ZNF710: variants seen among roughly 807,000 people sequenced by gnomAD.
The protein encoded by ZNF710 is zinc finger protein 710.
ZNF710 carries 13 observed loss-of-function variants against 50.6 expected under a neutral mutation model. The ratio of observed to expected loss-of-function variants is 0.26; its 90% CI spans 0.17 to 0.41. The LOEUF is 0.41. Among genes scored for constraint, ZNF710 ranks in the 10% least tolerant of loss-of-function variants. The pLI, the probability that ZNF710 is intolerant of heterozygous loss-of-function variation, is 1.00. For synonymous variants in ZNF710, 383 were observed against 397.0 expected, an observed-to-expected ratio of 0.96 and a Z score of 0.42; for missense variants, 721 against 936.6, an observed-to-expected ratio of 0.77 and a Z score of 3.01.
At chr15:90,065,226 C>T (rs898853357) in intron 1 of ZNF710, among the ~76,000 whole-genome samples, 1 of 152,136 alleles carries the variant, frequency 6.6e-6, no homozygotes, top group East Asian at 1.9e-4. Context: ...CTCCGCTGGG[C>T]GCTGGGGGGA....
intron 1 of ZNF710, among the ~76,000 whole-genome samples, chr15:90,038,446 G>C (rs745478771): frequency 2.6e-5 from 4 of 152,172 alleles, no homozygotes; most frequent in Non-Finnish European, 5.9e-5. Flanking sequence ...TTGAAAGTGA[G>C]TTGCAGACAG....
chr15:90,005,108 G>A (rs956029961), intron 1 of ZNF710, among the ~76,000 whole-genome samples: 2 of 152,250 alleles, frequency 1.3e-5, no homozygotes, highest in African/African-American at 4.8e-5. Context: ...ATTTCCATCT[G>A]TGGGTTAAAT....
intron 1 of ZNF710, chr15:90,026,071 A>G (rs1183649335): frequency 6.6e-6 from 1 of 152,130 alleles, no homozygotes; most frequent in Non-Finnish European, 1.5e-5. Context: ...CCCCTAAGGA[A>G]AATGAGAGGG....
At chr15:90,056,798 G>C (rs1200089220) in intron 1 of ZNF710, among the ~76,000 whole-genome samples, 1 of 152,182 alleles carries the variant, frequency 6.6e-6, no homozygotes, top group Non-Finnish European at 1.5e-5. Context: ...AGCTCTGCAG[G>C]CAGCTCAGCA....
At position 90,067,751 on chromosome 15, in the gene ZNF710, C is replaced by A; in HGVS notation, c.614C>A (p.Ala205Glu). 1.9e-6 allele frequency: 3 copies of A among 1,594,274 alleles called. No individual in the cohort carries two copies. Among genetic ancestry groups the A allele is most frequent in the Non-Finnish European group, 2.6e-6 (3 of 1,171,256 alleles). ...ARDGFPEPSMALPGPEALPTE... is the reference protein window; with the variant it reads ...ARDGFPEPSMELPGPEALPTE... ...GATGGCTTCCCCGAGCCCAGCATGG[C>A]GCTGCCTGGGCCAGAGGCCTTGCCC... is the stretch of plus-strand genomic sequence containing the variant. Residue 205 changes from alanine to glutamate, a missense_variant, in exon 2 of 5, where the codon GCG (alanine) becomes GAG (glutamate). By Grantham distance (107) the Ala-to-Glu change is moderately radical. Transcript: ENST00000268154. This position sits in a 1 kb window ranked among gnomAD's most constrained non-coding sequence, Gnocchi z 8.1.
At chr15:90,044,930 T>C (rs1463163421) in intron 1 of ZNF710, among the ~76,000 whole-genome samples, 3 of 152,132 alleles carry the variant, frequency 2.0e-5, no homozygotes, top group Non-Finnish European at 4.4e-5. Flanking sequence ...TATACCTGTG[T>C]AGGCCAAACC....
At chr15:90,008,427 T>TATATATAC (rs1555454964) in intron 1 of ZNF710, among the ~76,000 whole-genome samples, 22 of 135,050 alleles carry the variant, frequency 1.6e-4, no homozygotes, top group African/African-American at 7.2e-4. Context: ...TGTGTGTGTG[T>TATATATAC]ATATATATAT....
At chr15:90,018,592 G>A (rs572898071) in intron 1 of ZNF710, among the ~76,000 whole-genome samples, 2 of 152,200 alleles carry the variant, frequency 1.3e-5, no homozygotes, top group South Asian at 2.1e-4. Context: ...AACGGCCATT[G>A]CCCTTTCCGT....
At chr15:90,056,696 A>G (rs1168312859) in intron 1 of ZNF710, among the ~76,000 whole-genome samples, 2 of 152,186 alleles carry the variant, frequency 1.3e-5, no homozygotes, top group African/African-American at 4.8e-5. Flanking sequence ...GATCAGGCCC[A>G]TGGCTTCTGG....
intron 1 of ZNF710, among the ~76,000 whole-genome samples, chr15:90,047,717 G>A (rs1899512820): frequency 6.6e-6 from 1 of 151,576 alleles, no homozygotes. Context: ...CCGAGTAGCT[G>A]GGACTACAGG....
chr15:90,063,560 A>G (rs1900077182), intron 1 of ZNF710, among the ~76,000 whole-genome samples: 1 of 152,158 alleles, frequency 6.6e-6, no homozygotes, highest in Non-Finnish European at 1.5e-5. Context: ...TCTACAGCCA[A>G]GCACAGGCTC....
chr15:90,023,994 C>CAA (rs145288734), intron 1 of ZNF710, among the ~76,000 whole-genome samples: 1 of 139,210 alleles, frequency 7.2e-6, no homozygotes, highest in Non-Finnish European at 1.6e-5. Context: ...GTGAGACCTT[C>CAA]AAAAAAAAAA....
At chr15:90,070,807 A>T (rs966507667) in intron 2 of ZNF710, among the ~76,000 whole-genome samples, 2 of 152,232 alleles carry the variant, frequency 1.3e-5, no homozygotes, top group African/African-American at 4.8e-5. Flanking sequence ...CAACAGAGCA[A>T]GACTCTGTCT....
chr15:90,022,325 G>A (rs1374097255), intron 1 of ZNF710, among the ~76,000 whole-genome samples: 7 of 152,188 alleles, frequency 4.6e-5, no homozygotes, highest in Non-Finnish European at 7.4e-5. Flanking sequence ...GCAGTGAGCC[G>A]AGATTGCGCC....
intron 1 of ZNF710, among the ~76,000 whole-genome samples, chr15:90,039,556 A>C (rs995111442): frequency 1.3e-5 from 2 of 152,180 alleles, no homozygotes; most frequent in Admixed American, 1.3e-4. Context: ...TGCTCAACCG[A>C]GTATTGAATG....
chr15:90,072,994 AC>A (rs761827836), intron 2 of ZNF710, 76 bp from the exon 3 acceptor site: 26 of 1,498,958 alleles, frequency 1.7e-5, no homozygotes, highest in Non-Finnish European at 2.3e-5. Flanking sequence ...CCCTGCCCCT[AC>A]CCGGCTCCCC....
At chr15:90,028,486 G>T (rs1053519743) in intron 1 of ZNF710, among the ~76,000 whole-genome samples, 2 of 152,204 alleles carry the variant, frequency 1.3e-5, no homozygotes, top group Admixed American at 6.5e-5. Context: ...TGTGGATCAT[G>T]CCCTGTGCTG....
At position 90,079,999 on chromosome 15, in the gene ZNF710, C is replaced by A. The variant is rs1900683874; in HGVS notation, c.*170C>A. 1.7e-6 allele frequency: 1 copy of A among 595,448 alleles called. No homozygotes were observed. Among genetic ancestry groups the A allele is most frequent in the Non-Finnish European group, 2.7e-6 (1 of 368,996 alleles). 36.9% of individuals were successfully genotyped at this position (595,448 alleles called of 1,614,324 possible). ...TAGGGACCTTTAGACCAAATGGAGA[C>A]TGTACTACTGGCCCCGGCTGTGAGC... On this transcript the variant is annotated 3_prime_UTR_variant, in exon 5 of 5. Coordinates refer to ENST00000268154, the MANE Select transcript of ZNF710 (RefSeq NM_198526.4).
Position 90,048,543 on chromosome 15 carries a change from G to A in ZNF710, c.-28-18567G>A, listed in dbSNP as rs376661245. ...AGGGGTCGGGGCCAGCACGGGGCAG[G>A]GTGGGGGTCCCATTCTTGGACCCAG... On this transcript the variant is annotated intron_variant, in intron 1 of 4. Transcript: ENST00000268154. 3.9e-5 allele frequency among the ~76,000 whole-genome samples: 6 copies of A among 152,202 alleles called. No individual in the cohort carries two copies. In the South Asian group the frequency reaches 1.2e-3, roughly 31 times the overall value.
Sources: allele counts gnomAD v4.1 joint callset (sites outside exome capture counted in the v4.1 genomes callset), GRCh38; gene constraint gnomAD v4.1.1; non-coding constraint Gnocchi (gnomAD v3.1); transcripts MANE v1.5; gene names NCBI Gene and HGNC (gene_info 2026-07-23, HGNC 2026-07-21).